Variants in YKT6 observed in about 807,000 individuals in gnomAD.
The protein encoded by YKT6 is synaptobrevin homolog YKT6.
YKT6 carries 12 observed loss-of-function variants against 29.3 expected under a neutral mutation model. The ratio of observed to expected loss-of-function variants is 0.41; its 90% CI spans 0.26 to 0.66. The LOEUF is 0.66. YKT6 is among the 30% of genes least tolerant of loss of function. YKT6 has a pLI of 0.32. For missense variants in YKT6, 188 were observed against 243.8 expected (o/e 0.77, Z 1.52); for synonymous variants, 86 against 94.3 (o/e 0.91, Z 0.51).
At position 44,212,930 on chromosome 7, in the gene YKT6, C is replaced by T. The variant is rs2096348466; in HGVS notation, c.*648C>T. The T allele has an allele frequency of 6.6e-6, 1 of 152,280 alleles. No homozygotes were observed. Among genetic ancestry groups the T allele is most frequent in the African/African-American group, 2.4e-5 (1 of 41,480 alleles). The allele number at this position is 152,280 out of a possible 1,614,324, so 9.4% of individuals were successfully genotyped here. On this transcript the variant is annotated 3_prime_UTR_variant, in exon 7 of 7. Transcript: ENST00000223369. Reference sequence around the variant, plus strand: ...AGAGGGCAGGGCCCATCCTAAGCAGCTTCCAAGTCCCACAAAGGTGGCTTG... The same window carrying T: ...AGAGGGCAGGGCCCATCCTAAGCAGTTTCCAAGTCCCACAAAGGTGGCTTG...
intron 2 of YKT6, 102 bp from the exon 3 acceptor site, chr7:44,206,283 G>A (rs1313026998): frequency 5.1e-6 from 6 of 1,171,930 alleles, no homozygotes; most frequent in Non-Finnish European, 7.5e-6. Context: ...GCTTCCGAGT[G>A]GCTTCATTTG....
In YKT6 at chr7:44,207,471, T is replaced by G. The variant is rs570507763; in HGVS notation, c.372T>G (p.Asp124Glu). Residue 124 changes from aspartate to glutamate, a missense_variant, in exon 4 of 7, where the codon GAT becomes GAG. Physicochemically the swap from Asp to Glu is conservative, Grantham distance 45. Around this residue, in one of 3 missense-constraint regions of YKT6, gnomAD observed 100 missense variants for 136.3 expected, o/e 0.73. Transcript: ENST00000223369. Reference sequence around the variant, plus strand: ...CTACAATCCATTACCCAGCCCTGGATGGTCACCTCAGTAGATACCAGGTAG... The same window carrying G: ...CTACAATCCATTACCCAGCCCTGGAGGGTCACCTCAGTAGATACCAGGTAG... ...SPATIHYPAL[D>E]GHLSRYQNPR... 16 of 1,614,144 alleles carry G rather than the reference T, an allele frequency of 9.9e-6. No individual in the cohort carries two copies. In the Middle Eastern group the frequency reaches 4.9e-4, roughly 50 times the overall value.
rs751584115 is a variant in YKT6, at chr7:44,208,180, T to C, written c.441T>C (p.Asp147=). 2 of 1,613,992 alleles carry C rather than the reference T, an allele frequency of 1.2e-6. No homozygotes were observed. The highest frequency in any genetic ancestry group is 2.2e-5 in the East Asian group (1 of 44,888). ...DPMTKVQAEL[D]ETKIILHNTM... ...TGACTAAAGTGCAGGCCGAACTAGATGAGACCAAAATCATTCTGGTAAGCA... is the reference window on the plus strand; with the variant it reads ...TGACTAAAGTGCAGGCCGAACTAGACGAGACCAAAATCATTCTGGTAAGCA... The change falls in exon 5 of 7, where the codon GAT becomes GAC. Residue 147 remains aspartate (D), a synonymous_variant. Transcript: ENST00000223369.
At position 44,214,145 on chromosome 7, in the gene YKT6, G is replaced by GGCCCA. The variant is rs1450783987; in HGVS notation, c.*1873_*1877dup. 4 of 152,156 alleles carry GGCCCA rather than the reference G, an allele frequency of 2.6e-5. No individual in the cohort carries two copies. Among genetic ancestry groups the GGCCCA allele is most frequent in the Non-Finnish European group, 5.9e-5 (4 of 68,020 alleles). The allele number at this position is 152,156 out of a possible 1,614,324, so 9.4% of individuals were successfully genotyped here. On this transcript the variant is annotated 3_prime_UTR_variant, in exon 7 of 7. Coordinates refer to ENST00000223369, the MANE Select transcript of YKT6 (RefSeq NM_006555.4). Reference sequence around the variant, plus strand: ...TTGACTCAGGCCCTGTGAGATAGAGGGCCCAGCCCAGCCCCACCCACAGAT... The same window carrying GGCCCA: ...TTGACTCAGGCCCTGTGAGATAGAGGGCCCAGCCCAGCCCAGCCCCACCCACAGAT...
At chr7:44,211,451 T>C (rs1009603470) in intron 6 of YKT6, 1 of 808,002 alleles carries the variant, frequency 1.2e-6, no homozygotes, top group Non-Finnish European at 1.6e-6. Flanking sequence ...AGATTTACTG[T>C]TGAATCTTAT....
chr7:44,208,759 A>T (rs1369285459), intron 5 of YKT6: 1 of 152,688 alleles, frequency 6.5e-6, no homozygotes, highest in African/African-American at 2.4e-5. Flanking sequence ...ATTTTTGCAT[A>T]CAAGTGGAAT....
intron 6 of YKT6, among the ~76,000 whole-genome samples, chr7:44,211,765 G>A (rs1474080864): frequency 6.6e-6 from 1 of 152,236 alleles, no homozygotes. Context: ...TGACCAGAAA[G>A]CAAGAGAGAA....
At position 44,212,456 on chromosome 7, in the gene YKT6, T is replaced by G; in HGVS notation, c.*174T>G. ...GGTGGAAGGGTGGCGAATGTTCAAA[T>G]TCATATGTGTGGTAGTGATTCTTGG... is the stretch of plus-strand genomic sequence containing the variant. On this transcript the variant is annotated 3_prime_UTR_variant, in exon 7 of 7. Coordinates refer to ENST00000223369, the MANE Select transcript of YKT6 (RefSeq NM_006555.4). 3 of 777,756 alleles carry G rather than the reference T, an allele frequency of 3.9e-6. No homozygotes were observed. The allele number at this position is 777,756 out of a possible 1,614,324, so 48.2% of individuals were successfully genotyped here. A position where few individuals can be genotyped will look rare whatever the true frequency, so the allele number is the denominator to read the frequency against.
At chr7:44,207,214 A>G (rs576919232) in intron 3 of YKT6, 174 bp from the exon 4 acceptor site, 86 of 514,372 alleles carry the variant, frequency 1.7e-4, no homozygotes, top group African/African-American at 1.6e-3. Context: ...ATTTGGAAAG[A>G]ACTTTAGCCT....
intron 3 of YKT6, 63 bp downstream of exon 3, chr7:44,206,548 CAG>C (rs1349951384): frequency 4.2e-6 from 6 of 1,435,302 alleles, no homozygotes; most frequent in South Asian, 1.1e-5. Context: ...TGGACTGGGA[CAG>C]GGGTTGATGG....
At chr7:44,210,938 C>T (rs1435348536) in intron 5 of YKT6, 85 bp from the exon 6 acceptor site, 1 of 1,422,526 alleles carries the variant, frequency 7.0e-7, no homozygotes, top group Non-Finnish European at 9.9e-7. Context: ...CCAGGTAAGG[C>T]ACTTTCCCCC....
Position 44,211,163 on chromosome 7 carries a change from C to G in YKT6, c.561+39C>G, listed in dbSNP as rs374495953. The G allele has an allele frequency of 1.8e-5, 28 of 1,585,688 alleles. No individual in the cohort carries two copies. In the South Asian group the frequency reaches 2.9e-4, roughly 16 times the overall value. ...ACCTGCTGCCTCCTGGGTGTTCTCT[C>G]TAGAGAGCAGTCGCAGCTTGCTGCT... On this transcript the variant is annotated intron_variant, in intron 6 of 6. Transcript: ENST00000223369.
chr7:44,206,373 T>C lies in YKT6; in HGVS notation c.188-12T>C. On this transcript the variant is annotated splice_polypyrimidine_tract_variant and intron_variant, in intron 2 of 6. Transcript: ENST00000223369. ...TGTCAGCATCCATGTGTCTGATCTC[T>C]TGTCTCCTTAGACTATCTGTGCCAC... is the stretch of plus-strand genomic sequence containing the variant. 1 of 1,613,680 alleles carries C rather than the reference T, an allele frequency of 6.2e-7. No individual in the cohort carries two copies. Among genetic ancestry groups the C allele is most frequent in the Non-Finnish European group, 8.5e-7 (1 of 1,179,678 alleles).
At chr7:44,204,323 C>T (rs558325133) in intron 1 of YKT6, among the ~76,000 whole-genome samples, 24 of 152,220 alleles carry the variant, frequency 1.6e-4, no homozygotes, top group Non-Finnish European at 3.2e-4. Context: ...TGTGGAAAAA[C>T]CCCCCAGAAA....
At chr7:44,209,112 A>G (rs2096344042) in intron 5 of YKT6, among the ~76,000 whole-genome samples, 2 of 152,202 alleles carry the variant, frequency 1.3e-5, no homozygotes, top group Admixed American at 1.3e-4. Flanking sequence ...CATCCTGCTC[A>G]TGATACAGTG....
In YKT6 at chr7:44,212,864, C is replaced by T. The variant is rs1583651987; in HGVS notation, c.*582C>T. The T allele has an allele frequency of 6.6e-6, 1 of 152,512 alleles. No individual in the cohort carries two copies. The highest frequency in any genetic ancestry group is 1.9e-4 in the East Asian group (1 of 5,182). The allele number at this position is 152,512 out of a possible 1,614,324, so 9.4% of individuals were successfully genotyped here. A position where few individuals can be genotyped will look rare whatever the true frequency, so the allele number is the denominator to read the frequency against. On this transcript the variant is annotated 3_prime_UTR_variant, in exon 7 of 7. Coordinates refer to ENST00000223369, the MANE Select transcript of YKT6 (RefSeq NM_006555.4). ...AGTCACTGGGTCTCAGATTCTGAGA[C>T]TGTTGTTTAGCTTACCTTTCTGCTA... is the stretch of plus-strand genomic sequence containing the variant.
chr7:44,205,191 T>C (rs1234470226), intron 2 of YKT6, among the ~76,000 whole-genome samples: 1 of 152,222 alleles, frequency 6.6e-6, no homozygotes. Context: ...AGTTACTGAA[T>C]TGATGATATA....
At chr7:44,206,302 T>C in intron 2 of YKT6, 83 bp from the exon 3 acceptor site, 1 of 1,423,056 alleles carries the variant, frequency 7.0e-7, no homozygotes, top group East Asian at 2.3e-5. Context: ...TGGCCTAACA[T>C]TGGATGCTTT....
At chr7:44,204,502 C>T in intron 1 of YKT6, 66 bp from the exon 2 acceptor site, 3 of 1,522,426 alleles carry the variant, frequency 2.0e-6, no homozygotes, top group Non-Finnish European at 2.7e-6. Context: ...GCCCAGAGGT[C>T]ACTTTCCACT....
Sources: allele counts gnomAD v4.1 joint callset (sites outside exome capture counted in the v4.1 genomes callset), GRCh38; gene constraint gnomAD v4.1.1; regional missense constraint gnomAD v4.1.1; transcripts MANE v1.5; gene names NCBI Gene and HGNC (gene_info 2026-07-23, HGNC 2026-07-21).